Variants in PIK3C2G observed in about 807,000 individuals in gnomAD.
The protein encoded by PIK3C2G is phosphatidylinositol 3-kinase C2 domain-containing subunit gamma.
A neutral mutation model predicts 181.1 loss-of-function variants in PIK3C2G; 168 were observed. The observed-to-expected ratio is 0.93, with a 90% CI of 0.82 to 1.05. PIK3C2G has a LOEUF of 1.05. Among genes scored for constraint, PIK3C2G ranks in the 50% least tolerant of loss-of-function variants. The probability of loss-of-function intolerance (pLI) is 0.00; values close to 1 mark genes in which losing one functional copy is unlikely to be tolerated. For missense variants in PIK3C2G, 1,869 were observed against 1,732.8 expected (o/e 1.08, Z -1.40); for synonymous variants, 573 against 592.2 (o/e 0.97, Z 0.47).
chr12:18,383,848 G>A (rs1429624891), intron 14 of PIK3C2G, among the ~76,000 whole-genome samples: 1 of 151,754 alleles, frequency 6.6e-6, no homozygotes, highest in East Asian at 1.9e-4. Context: ...CTGTCACCGA[G>A]GCTGGAGTGT....
At chr12:18,629,415 G>A (rs73070252) in intron 31 of PIK3C2G, among the ~76,000 whole-genome samples, 4 of 152,118 alleles carry the variant, frequency 2.6e-5, no homozygotes, top group African/African-American at 4.8e-5. Context: ...AGTTAAGGTG[G>A]AGAAACCCGG....
At chr12:18,371,854 T>C (rs1565647654) in intron 13 of PIK3C2G, among the ~76,000 whole-genome samples, 1 of 152,168 alleles carries the variant, frequency 6.6e-6, no homozygotes, top group Non-Finnish European at 1.5e-5. Flanking sequence ...AAAATATTAA[T>C]ATTCAGAATA....
the PIK3C2G span, among the ~76,000 whole-genome samples, chr12:18,703,958 T>G: frequency 6.6e-6 from 1 of 152,206 alleles, no homozygotes; most frequent in Admixed American, 6.5e-5. Flanking sequence ...ACCAAACTAT[T>G]TGTTGTTAGA....
intron 31 of PIK3C2G, among the ~76,000 whole-genome samples, chr12:18,633,715 G>T (rs1047845446): frequency 2.0e-5 from 3 of 152,180 alleles, no homozygotes; most frequent in Non-Finnish European, 4.4e-5. Context: ...AGCCAGAACT[G>T]TAACTCCCTT....
intron 28 of PIK3C2G, 97 bp downstream of exon 28, chr12:18,563,595 C>A: frequency 8.6e-7 from 1 of 1,163,640 alleles, no homozygotes; most frequent in Non-Finnish European, 1.2e-6. Context: ...GTGAGAAACA[C>A]AGTATTCTGA....
At chr12:18,358,591 A>G in intron 11 of PIK3C2G, 1 of 440,880 alleles carries the variant, frequency 2.3e-6, no homozygotes, top group Admixed American at 2.5e-5. Flanking sequence ...AACTTAACCC[A>G]GTTAAGAAGA....
At chr12:18,484,954 A>G (rs1299430497) in intron 18 of PIK3C2G, among the ~76,000 whole-genome samples, 1 of 152,152 alleles carries the variant, frequency 6.6e-6, no homozygotes, top group Non-Finnish European at 1.5e-5. Context: ...AGCCCAAACA[A>G]AGTAGCAAAA....
chr12:18,597,588 T>C (rs1185916267), intron 30 of PIK3C2G, among the ~76,000 whole-genome samples: 2 of 152,130 alleles, frequency 1.3e-5, no homozygotes, highest in African/African-American at 4.8e-5. Flanking sequence ...CTATATTTTA[T>C]TGAGGATTTT....
intron 18 of PIK3C2G, among the ~76,000 whole-genome samples, chr12:18,481,753 G>A (rs190850277): frequency 1.1e-3 from 173 of 152,154 alleles, no homozygotes; most frequent in African/African-American, 3.7e-3. Context: ...AATAAAGAGA[G>A]GCAAAGAGAA....
chr12:18,705,028 T>C, the PIK3C2G span: 6 of 1,008,640 alleles, frequency 5.9e-6, no homozygotes, highest in Admixed American at 2.0e-5. Context: ...CTAGGCAACA[T>C]TGCAAAAATA....
At chr12:18,357,229 G>A (rs1456392620) in intron 11 of PIK3C2G, among the ~76,000 whole-genome samples, 1 of 152,034 alleles carries the variant, frequency 6.6e-6, no homozygotes, top group African/African-American at 2.4e-5. Flanking sequence ...ATATATAATA[G>A]TTTAAATTAA....
At chr12:18,584,641 C>A (rs939433256) in intron 29 of PIK3C2G, among the ~76,000 whole-genome samples, 6 of 152,120 alleles carry the variant, frequency 3.9e-5, no homozygotes, top group African/African-American at 1.4e-4. Context: ...CAATTGAAAA[C>A]TTCCCCAACA....
intron 18 of PIK3C2G, among the ~76,000 whole-genome samples, chr12:18,473,608 T>C (rs971018620): frequency 1.3e-5 from 2 of 152,162 alleles, no homozygotes; most frequent in Non-Finnish European, 2.9e-5. Flanking sequence ...GTTGAGAAAC[T>C]AAGAAAAATG....
chr12:18,462,729 G>C (rs937531571), intron 18 of PIK3C2G, among the ~76,000 whole-genome samples: 2 of 152,110 alleles, frequency 1.3e-5, no homozygotes, highest in Non-Finnish European at 2.9e-5. Flanking sequence ...TTTATTCCAA[G>C]TAATGTCAGT....
chr12:18,699,724 C>T, the PIK3C2G span: 2 of 1,409,944 alleles, frequency 1.4e-6, no homozygotes, highest in East Asian at 2.3e-5. Context: ...TATCATTGAG[C>T]AATCTTAACA....
At chr12:18,343,192 T>C in intron 9 of PIK3C2G, 135 bp from the exon 10 acceptor site, 1 of 604,700 alleles carries the variant, frequency 1.7e-6, no homozygotes, top group Non-Finnish European at 3.0e-6. Context: ...AGCAAATTGA[T>C]ATATGATGCC....
chr12:18,484,600 A>G (rs535766232), intron 18 of PIK3C2G, among the ~76,000 whole-genome samples: 1 of 152,320 alleles, frequency 6.6e-6, no homozygotes, highest in African/African-American at 2.4e-5. Flanking sequence ...AAAATTCAAC[A>G]GTTAGTGCTG....
At position 18,338,539 on chromosome 12, in the gene PIK3C2G, A is replaced by G; in HGVS notation, c.1386A>G (p.Arg462=). ...AVNELSLILQ[R]KGENFYQSSE... ...ATGAACTAAGTCTAATTCTTCAGAG[A>G]AAAGGAGAGGTAAGTACATTCATTT... The change falls in exon 9 of 33, where the codon AGA becomes AGG. Residue 462 remains arginine (R), a synonymous_variant. Coordinates refer to ENST00000538779, the MANE Select transcript of PIK3C2G (RefSeq NM_001288772.2). The G allele has an allele frequency of 6.3e-7, 1 of 1,588,590 alleles. No individual in the cohort carries two copies. The highest frequency in any genetic ancestry group is 8.6e-7 in the Non-Finnish European group (1 of 1,158,720).
intron 5 of PIK3C2G, among the ~76,000 whole-genome samples, chr12:18,311,540 T>C (rs1410026633): frequency 6.6e-6 from 1 of 151,710 alleles, no homozygotes; most frequent in East Asian, 1.9e-4. Flanking sequence ...GGTGTGTGTG[T>C]GTGTGTGTGT....
Sources: gnomAD v4.1 joint callset for allele counts (sites outside exome capture counted in the v4.1 genomes callset) on GRCh38, gnomAD v4.1.1 for gene constraint, MANE v1.5 for transcripts, NCBI Gene and HGNC (gene_info 2026-07-23, HGNC 2026-07-21) for gene names.